Variants in CSMD1 observed in about 807,000 individuals in gnomAD.
CSMD1 encodes the protein CUB and sushi domain-containing protein 1.
In CSMD1, 213 loss-of-function variants were observed where a neutral mutation model predicts 417.5. That is an observed-to-expected ratio of 0.51 (90% confidence interval 0.46 to 0.57). The LOEUF (loss-of-function observed/expected upper bound fraction) is 0.57. Among genes scored for constraint, CSMD1 ranks in the 20% least tolerant of loss-of-function variants. The probability of loss-of-function intolerance (pLI) is 0.00; values close to 1 mark genes in which losing one functional copy is unlikely to be tolerated. For missense variants in CSMD1, 6,923 were observed against 4,529.7 expected, an observed-to-expected ratio of 1.53 and a Z score of -15.17; for synonymous variants, 2,862 against 1,736.8, an observed-to-expected ratio of 1.65 and a Z score of -16.11.
chr8:4,781,246 T>G (rs541803469), intron 1 of CSMD1, among the ~76,000 whole-genome samples: 2 of 152,288 alleles, frequency 1.3e-5, no homozygotes, highest in East Asian at 3.9e-4. Context: ...TGGCTAAGCA[T>G]GATGAGGGAA....
intron 5 of CSMD1, among the ~76,000 whole-genome samples, chr8:3,897,165 C>T (rs546530728): frequency 1.1e-4 from 17 of 152,226 alleles, no homozygotes; most frequent in East Asian, 1.9e-4. Flanking sequence ...TGAATTTCAA[C>T]GAGACAAGGG....
chr8:3,308,776 T>A (rs1299645744), intron 23 of CSMD1, among the ~76,000 whole-genome samples: 1 of 131,948 alleles, frequency 7.6e-6, no homozygotes, highest in Non-Finnish European at 1.5e-5. Flanking sequence ...CAGGCTGGAG[T>A]GCAATGGCGT....
chr8:3,293,554 C>T (rs1399901509), intron 25 of CSMD1, among the ~76,000 whole-genome samples: 1 of 152,092 alleles, frequency 6.6e-6, no homozygotes, highest in African/African-American at 2.4e-5. Context: ...CTAAACTTCT[C>T]TTCTTGCTTC....
chr8:4,604,491 G>A (rs951348337), intron 2 of CSMD1, among the ~76,000 whole-genome samples: 4 of 151,500 alleles, frequency 2.6e-5, no homozygotes, highest in African/African-American at 4.9e-5. Context: ...ATTTCTTCTC[G>A]TGGTCATTAG....
chr8:3,396,045 G>A (rs895829624), intron 17 of CSMD1, 149 bp downstream of exon 17: 2 of 640,756 alleles, frequency 3.1e-6, no homozygotes, highest in Admixed American at 6.4e-5. Context: ...ATAACAGAAA[G>A]TTCTTACAAT....
rs113691465 is a variant in CSMD1, at chr8:4,318,481, G to A, written c.415+101472C>T. Among the ~76,000 whole-genome samples the A allele has an allele frequency of 1.5e-3, 223 of 152,122 alleles. 2 individuals are homozygous for A. The Middle Eastern group carries it at 0.02, about 14-fold the overall frequency. Reference sequence around the variant, plus strand: ...GGTCATTAGCAAGTAATGAAACAAAGCTTGCATTCAGGACCTACTCAACTG... The same window carrying A: ...GGTCATTAGCAAGTAATGAAACAAAACTTGCATTCAGGACCTACTCAACTG... On this transcript the variant is annotated intron_variant, in intron 3 of 69. Transcript: ENST00000635120.
At chr8:3,219,187 G>A (rs866790003) in intron 29 of CSMD1, 68 bp downstream of exon 29, 9 of 1,285,152 alleles carry the variant, frequency 7.0e-6, no homozygotes, top group Middle Eastern at 5.0e-4. Context: ...ATGTTACAAA[G>A]CAATGCCTAC....
intron 2 of CSMD1, among the ~76,000 whole-genome samples, chr8:4,602,794 TGACTG>T (rs897728594): frequency 1.3e-5 from 2 of 152,114 alleles, no homozygotes; most frequent in African/African-American, 4.8e-5. Flanking sequence ...TGCCTTACAA[TGACTG>T]GATTTTTTAG....
At chr8:4,513,668 A>G (rs6994383) in intron 2 of CSMD1, among the ~76,000 whole-genome samples, 3,983 of 152,330 alleles carry the variant, frequency 0.026, 206 homozygotes, top group African/African-American at 0.092. Flanking sequence ...ACTTGTACTC[A>G]TAATTGAGAA....
intron 25 of CSMD1, among the ~76,000 whole-genome samples, chr8:3,289,228 G>T (rs1174449590): frequency 6.8e-6 from 1 of 147,302 alleles, no homozygotes; most frequent in Non-Finnish European, 1.5e-5. Context: ...GTCTATCGTT[G>T]TTGGACATTT....
intron 10 of CSMD1, among the ~76,000 whole-genome samples, chr8:3,495,664 G>A (rs1209797572): frequency 6.6e-5 from 10 of 152,172 alleles, no homozygotes; most frequent in Admixed American, 6.5e-4. Context: ...ATATGCAGCT[G>A]TAAAATAGAA....
intron 1 of CSMD1, among the ~76,000 whole-genome samples, chr8:4,686,055 T>C (rs968250470): frequency 6.6e-6 from 1 of 152,228 alleles, no homozygotes; most frequent in Admixed American, 6.5e-5. Context: ...TTGGCAGTTT[T>C]ATCTTGTCTT....
At chr8:3,715,732 A>C (rs1411803431) in intron 6 of CSMD1, among the ~76,000 whole-genome samples, 1 of 152,062 alleles carries the variant, frequency 6.6e-6, no homozygotes, top group Non-Finnish European at 1.5e-5. Context: ...TAGTAGAGAC[A>C]CGGTTTCACC....
At chr8:4,859,823 T>G (rs533940131) in intron 1 of CSMD1, among the ~76,000 whole-genome samples, 16 of 152,236 alleles carry the variant, frequency 1.1e-4, no homozygotes, top group African/African-American at 3.6e-4. Context: ...GACTGTAAAC[T>G]AGTTCAACCA....
chr8:4,355,710 G>C (rs963198630), intron 3 of CSMD1, among the ~76,000 whole-genome samples: 9 of 152,176 alleles, frequency 5.9e-5, no homozygotes, highest in Admixed American at 3.9e-4. Flanking sequence ...TCCAAGTTAA[G>C]GGTCCAGCAA....
chr8:4,360,096 T>G (rs752076356), intron 3 of CSMD1, among the ~76,000 whole-genome samples: 2 of 152,180 alleles, frequency 1.3e-5, no homozygotes, highest in African/African-American at 2.4e-5. Flanking sequence ...TTACTTAACA[T>G]ATCTGTATGT....
chr8:4,409,338 T>C (rs968560740), intron 3 of CSMD1, among the ~76,000 whole-genome samples: 2 of 152,170 alleles, frequency 1.3e-5, no homozygotes, highest in African/African-American at 4.8e-5. Context: ...TCTATGTCAT[T>C]CTCTCACATC....
At chr8:2,958,964 C>A (rs910633917) in intron 62 of CSMD1, among the ~76,000 whole-genome samples, 15 of 152,166 alleles carry the variant, frequency 9.9e-5, no homozygotes, top group Admixed American at 6.5e-4. Flanking sequence ...AAAAATGCTG[C>A]TTCTAGCACT....
chr8:4,004,440 A>AT (rs1007748651), intron 4 of CSMD1, among the ~76,000 whole-genome samples: 11 of 151,602 alleles, frequency 7.3e-5, no homozygotes, highest in African/African-American at 2.7e-4. Context: ...TTTTTAAAGG[A>AT]AAGGCTATTT....
Sources: allele counts gnomAD v4.1 joint callset (sites outside exome capture counted in the v4.1 genomes callset), GRCh38; gene constraint gnomAD v4.1.1; transcripts MANE v1.5; gene names NCBI Gene and HGNC (gene_info 2026-07-23, HGNC 2026-07-21).